HGF: variants seen among roughly 807,000 people sequenced by gnomAD.
The protein encoded by HGF is fibroblast-derived tumor cytotoxic factor.
In HGF, 39 loss-of-function variants were observed where a neutral mutation model predicts 111.6. The ratio of observed to expected loss-of-function variants is 0.35; its 90% confidence interval spans 0.27 to 0.46. HGF has a LOEUF of 0.46. HGF is among the 20% of genes least tolerant of loss of function. The pLI is 1.00. For missense variants in HGF, 735 were observed against 910.5 expected, an observed-to-expected ratio of 0.81 and a Z score of 2.48; for synonymous variants, 285 against 294.8, an observed-to-expected ratio of 0.97 and a Z score of 0.34.
intron 10 of HGF, among the ~76,000 whole-genome samples, chr7:81,719,555 A>T (rs759461899): frequency 4.6e-5 from 7 of 152,244 alleles, no homozygotes; most frequent in Non-Finnish European, 7.3e-5. Flanking sequence ...AGATATTTTT[A>T]ATTATTTTGT....
chr7:81,756,037 G>A (rs1434257525), intron 4 of HGF: 1 of 701,736 alleles, frequency 1.4e-6, no homozygotes, highest in African/African-American at 1.7e-5. Context: ...ATAAAAAGTG[G>A]ATTCAACAAG....
intron 6 of HGF, among the ~76,000 whole-genome samples, chr7:81,744,677 T>C (rs1315264195): frequency 1.3e-5 from 2 of 152,192 alleles, no homozygotes; most frequent in African/African-American, 4.8e-5. Flanking sequence ...AGAAAGAAGC[T>C]TCTTTTTGTG....
chr7:81,734,483 G>T (rs1377770272), intron 7 of HGF, among the ~76,000 whole-genome samples: 1 of 152,108 alleles, frequency 6.6e-6, no homozygotes, highest in East Asian at 1.9e-4. Context: ...TGGTGTGGTT[G>T]TGCTGTGATC....
intron 7 of HGF, among the ~76,000 whole-genome samples, chr7:81,731,683 A>G (rs1787661190): frequency 6.6e-6 from 1 of 152,190 alleles, no homozygotes; most frequent in Non-Finnish European, 1.5e-5. Context: ...GTTAAATGAT[A>G]TGAGGAAACT....
intron 1 of HGF, among the ~76,000 whole-genome samples, chr7:81,763,538 T>A (rs555453145): frequency 6.6e-6 from 1 of 152,296 alleles, no homozygotes; most frequent in East Asian, 1.9e-4. Flanking sequence ...AGCAATATCA[T>A]TTTTCTTCAT....
At position 81,769,993 on chromosome 7, in the gene HGF, G is replaced by A. The variant is rs1789554451; in HGVS notation, c.-22C>T. 5 of 1,532,362 alleles carry A rather than the reference G, an allele frequency of 3.3e-6. No individual in the cohort carries two copies. Among genetic ancestry groups the A allele is most frequent in the Non-Finnish European group, 3.5e-6 (4 of 1,131,254 alleles). 94.9% of individuals were successfully genotyped at this position (1,532,362 alleles called of 1,614,324 possible). A position where few individuals can be genotyped will look rare whatever the true frequency, so the allele number is the denominator to read the frequency against. ...ACATGGTGCTGCTGGACGGGCTGGC[G>A]GATCCCTCTGGAGGAGATGCCTGGG... On this transcript the variant is annotated 5_prime_UTR_variant, in exon 1 of 18. Coordinates refer to ENST00000222390, the MANE Select transcript of HGF (RefSeq NM_000601.6).
chr7:81,720,833 T>C lies in HGF; in HGVS notation c.1183A>G (p.Asn395Asp), dbSNP rs1244125570. 1 of 1,596,256 alleles carries C rather than the reference T, an allele frequency of 6.3e-7. No homozygotes were observed. The highest frequency in any genetic ancestry group is 1.7e-5 in the Admixed American group (1 of 59,986). Residue 395 changes from asparagine to aspartate, a missense_variant, in exon 10 of 18, where the codon AAT (asparagine) becomes GAT (aspartate). This residue lies in a region of HGF where 553 missense variants were observed against 685.6 expected (regional missense o/e 0.81). Coordinates refer to ENST00000222390, the MANE Select transcript of HGF (RefSeq NM_000601.6). ...MSHGQDCYRG[N>D]GKNYMGNLSQ... ...AAGTTGCCCATATAATTTTTGCCAT[T>C]CCCACGATAACAATCTAGACATAAA...
chr7:81,742,148 C>T (rs964913176), intron 7 of HGF, among the ~76,000 whole-genome samples: 3 of 152,116 alleles, frequency 2.0e-5, no homozygotes, highest in Non-Finnish European at 4.4e-5. Context: ...GGACAAAACA[C>T]ATGATTCAAT....
intron 2 of HGF, among the ~76,000 whole-genome samples, chr7:81,759,187 A>G (rs941461466): frequency 1.3e-5 from 2 of 152,192 alleles, no homozygotes; most frequent in Non-Finnish European, 2.9e-5. Flanking sequence ...TTTTATCCAC[A>G]CTTGTACAAA....
chr7:81,744,502 T>G (rs1032445683), intron 6 of HGF, among the ~76,000 whole-genome samples: 1 of 152,256 alleles, frequency 6.6e-6, no homozygotes. Flanking sequence ...CATGCTGTTA[T>G]GTGTGTGGCC....
intron 8 of HGF, among the ~76,000 whole-genome samples, chr7:81,727,210 G>GTT (rs5885247): frequency 4.2e-5 from 6 of 143,040 alleles, no homozygotes; most frequent in African/African-American, 5.2e-5. Context: ...CCGGCTAATT[G>GTT]TTTTTTTTTT....
chr7:81,717,756 TA>T (rs1329293991), intron 10 of HGF, among the ~76,000 whole-genome samples: 1 of 152,130 alleles, frequency 6.6e-6, no homozygotes, highest in African/African-American at 2.4e-5. Context: ...ATTATACAAG[TA>T]TTTTTTTACA....
intron 10 of HGF, among the ~76,000 whole-genome samples, chr7:81,720,048 T>G (rs1562878301): frequency 6.6e-6 from 1 of 152,214 alleles, no homozygotes; most frequent in Non-Finnish European, 1.5e-5. Context: ...CACAATTATG[T>G]GTCATACTTC....
intron 8 of HGF, 115 bp from the exon 9 acceptor site, chr7:81,726,132 C>G: frequency 1.9e-6 from 2 of 1,044,880 alleles, no homozygotes; most frequent in South Asian, 1.3e-5. Flanking sequence ...AGAGTTCTAA[C>G]TTTTTGGACT....
intron 7 of HGF, among the ~76,000 whole-genome samples, chr7:81,730,110 A>C (rs1020759049): frequency 6.6e-6 from 1 of 152,206 alleles, no homozygotes; most frequent in Non-Finnish European, 1.5e-5. Flanking sequence ...TTATAAGTAC[A>C]TACAAAGTGG....
At chr7:81,765,041 T>G (rs967447341) in intron 1 of HGF, among the ~76,000 whole-genome samples, 2 of 152,062 alleles carry the variant, frequency 1.3e-5, no homozygotes, top group Non-Finnish European at 2.9e-5. Flanking sequence ...ATGTGTATAA[T>G]TATATTAACT....
At position 81,720,742 on chromosome 7, in the gene HGF, C is replaced by T; in HGVS notation, c.1271+3G>A. 6.4e-7 allele frequency: 1 copy of T among 1,563,158 alleles called. No individual in the cohort carries two copies. The highest frequency in any genetic ancestry group is 8.8e-7 in the Non-Finnish European group (1 of 1,133,650). On this transcript the variant is annotated splice_donor_region_variant and intron_variant, in intron 10 of 17. Transcript: ENST00000222390. ...ATATATTGAAAGGAAGAAATTTACA[C>T]ACCGATGTAAGTCTTCCATGTTCTT...
Position 81,720,706 on chromosome 7 carries a change from C to G in HGF, c.1271+39G>C, listed in dbSNP as rs1428359571. On this transcript the variant is annotated intron_variant, in intron 10 of 17. Coordinates refer to ENST00000222390, the MANE Select transcript of HGF (RefSeq NM_000601.6). Reference sequence around the variant, plus strand: ...ATCTAAATACACAGTCTGTTGGTATCACTACATTCTATATATTGAAAGGAA... The same window carrying G: ...ATCTAAATACACAGTCTGTTGGTATGACTACATTCTATATATTGAAAGGAA... 6 of 1,076,372 alleles carry G rather than the reference C, an allele frequency of 5.6e-6. No individual in the cohort carries two copies. The African/African-American group carries it at 9.3e-5, about 17-fold the overall frequency. The allele number at this position is 1,076,372 out of a possible 1,614,324, so 66.7% of individuals were successfully genotyped here.
In HGF at chr7:81,702,557, G is replaced by A. The variant is rs1424533276; in HGVS notation, c.*24C>T. On this transcript the variant is annotated 3_prime_UTR_variant, in exon 18 of 18. Transcript: ENST00000222390. The stretch of plus-strand genomic sequence containing the variant: ...ATGTAAAAGACAGTTGTATTGGTGG[G>A]TGCTTCAGACACACTTACTTCAGCT... 6.3e-7 allele frequency: 1 copy of A among 1,579,478 alleles called. No individual in the cohort carries two copies. The highest frequency in any genetic ancestry group is 2.2e-5 in the East Asian group (1 of 44,646).
Sources: gnomAD v4.1 joint callset for allele counts (sites outside exome capture counted in the v4.1 genomes callset) on GRCh38, gnomAD v4.1.1 for gene constraint, gnomAD v4.1.1 regional missense constraint, MANE v1.5 for transcripts, NCBI Gene and HGNC (gene_info 2026-07-23, HGNC 2026-07-21) for gene names.